The following EPB41 variants were observed in gnomAD, a reference collection of about 807,000 sequenced individuals.
The protein encoded by EPB41 is erythrocyte membrane protein band 4.1.
EPB41 carries 65 observed loss-of-function variants against 108.0 expected under a neutral mutation model. That is an observed-to-expected ratio of 0.60 (90% CI 0.49 to 0.74). The LOEUF (loss-of-function observed/expected upper bound fraction) is 0.74. Among genes scored for constraint, EPB41 ranks in the 30% least tolerant of loss-of-function variants. The pLI is 0.00. For missense variants in EPB41, 875 were observed against 1,037.0 expected (o/e 0.84, Z 2.15); for synonymous variants, 336 against 358.9 (o/e 0.94, Z 0.72).
chr1:28,978,802 C>T (rs1351494109), intron 1 of EPB41, among the ~76,000 whole-genome samples: 2 of 151,470 alleles, frequency 1.3e-5, no homozygotes, highest in Admixed American at 6.6e-5. Flanking sequence ...ATAGGCTTCT[C>T]AGCCTTTGGA....
In EPB41 at chr1:29,055,959, G is replaced by A. The variant is rs1450923470; in HGVS notation, c.1846-2630G>A. ...AAAAAAAAAAAAAAAAAAAAGGGCCGGGCGCGGTGGCTCACGCCTGTAATC... is the reference window on the plus strand; with the variant it reads ...AAAAAAAAAAAAAAAAAAAAGGGCCAGGCGCGGTGGCTCACGCCTGTAATC... On this transcript the variant is annotated intron_variant, in intron 12 of 20. Transcript: ENST00000343067. Among the ~76,000 whole-genome samples the A allele has an allele frequency of 5.4e-3, 736 of 136,682 alleles. 5 individuals carry two copies. Among genetic ancestry groups the A allele is most frequent in the Middle Eastern group, 0.022 (4 of 180 alleles). 89.7% of individuals were successfully genotyped at this position (136,682 alleles called of 152,430 possible).
intron 20 of EPB41, among the ~76,000 whole-genome samples, chr1:29,116,150 CTTTTT>C (rs537469371): frequency 8.8e-6 from 1 of 113,768 alleles, no homozygotes; most frequent in Admixed American, 1.0e-4. Flanking sequence ...ACAGGTCTCT[CTTTTT>C]TTTTTTTTTT....
intron 1 of EPB41, among the ~76,000 whole-genome samples, chr1:28,941,030 T>A (rs1557747152): frequency 6.6e-6 from 1 of 152,084 alleles, no homozygotes; most frequent in African/African-American, 2.4e-5. Flanking sequence ...TCAGAACATA[T>A]TTCACAGTAT....
At chr1:28,921,275 C>A (rs150085) in intron 1 of EPB41, among the ~76,000 whole-genome samples, 118,952 of 152,186 alleles carry the variant, frequency 0.78, 47,098 homozygotes, top group East Asian at 0.92. Context: ...ATCTTTAAAC[C>A]TATCTTATAA....
intron 16 of EPB41, among the ~76,000 whole-genome samples, chr1:29,075,069 A>T (rs1653331102): frequency 1.3e-5 from 2 of 150,848 alleles, no homozygotes; most frequent in South Asian, 4.2e-4. Context: ...AGGCAGGAGA[A>T]TGACATGAAC....
Position 29,039,375 on chromosome 1 carries a change from C to G in EPB41, c.1585C>G (p.Pro529Ala), listed in dbSNP as rs1225032170. 1 of 1,614,124 alleles carries G rather than the reference C, an allele frequency of 6.2e-7. No individual in the cohort carries two copies. The highest frequency in any genetic ancestry group is 2.2e-5 in the East Asian group (1 of 44,888). Residue 529 changes from proline to alanine, a missense_variant, in exon 11 of 21, where the codon CCA becomes GCA. By Grantham distance (27) the Pro-to-Ala change is conservative (BLOSUM62 -1). Around this residue, in one of 3 missense-constraint regions of EPB41, gnomAD observed 519 missense variants for 627.3 expected, o/e 0.83. Coordinates refer to ENST00000343067, the MANE Select transcript of EPB41 (RefSeq NM_001376013.1). ...TAGTGCTCTAATTGACAGGCCTGCC[C>G]CACACTTCGAGCGTACAGCAAGTAA... The part of the protein sequence containing the change: ...QASALIDRPA[P>A]HFERTASKRA...
intron 1 of EPB41, among the ~76,000 whole-genome samples, chr1:28,919,733 G>A (rs1327328647): frequency 6.6e-6 from 1 of 152,096 alleles, no homozygotes; most frequent in Non-Finnish European, 1.5e-5. Context: ...GAGATTACAG[G>A]CATGAGCCAC....
intron 1 of EPB41, among the ~76,000 whole-genome samples, chr1:28,927,546 A>G (rs559534910): frequency 2.0e-5 from 3 of 152,308 alleles, no homozygotes; most frequent in Non-Finnish European, 2.9e-5. Context: ...AATGCTAGCT[A>G]TGTATCAGAT....
At chr1:29,105,445 C>T (rs1425599871) in intron 17 of EPB41, among the ~76,000 whole-genome samples, 1 of 151,760 alleles carries the variant, frequency 6.6e-6, no homozygotes, top group African/African-American at 2.4e-5. Context: ...ACCATGTTGG[C>T]CAGGCTGGTC....
At chr1:28,982,301 A>G in intron 1 of EPB41, 1 of 585,304 alleles carries the variant, frequency 1.7e-6, no homozygotes, top group Non-Finnish European at 3.3e-6. Context: ...TTCTGGAAGA[A>G]CTACTTGTTC....
At chr1:29,083,478 T>C (rs1246968896) in intron 16 of EPB41, among the ~76,000 whole-genome samples, 3 of 152,348 alleles carry the variant, frequency 2.0e-5, no homozygotes, top group Non-Finnish European at 4.4e-5. Context: ...TTTGTTCTTC[T>C]GTCTTCATTT....
At chr1:29,095,356 T>A (rs1662827467) in intron 16 of EPB41, among the ~76,000 whole-genome samples, 1 of 152,224 alleles carries the variant, frequency 6.6e-6, no homozygotes, top group South Asian at 2.1e-4. Flanking sequence ...TGACAGTGAT[T>A]GAAGTAAGCC....
chr1:28,977,863 TTC>T (rs72052394), intron 1 of EPB41, among the ~76,000 whole-genome samples: 15,175 of 144,932 alleles, frequency 0.1, 1,079 homozygotes, highest in East Asian at 0.37. Flanking sequence ...GGGTTTTTTT[TTC>T]TTTTTGCTAT....
At chr1:28,922,563 G>A (rs146543913) in intron 1 of EPB41, among the ~76,000 whole-genome samples, 1 of 151,624 alleles carries the variant, frequency 6.6e-6, no homozygotes, top group African/African-American at 2.4e-5. Flanking sequence ...CTCCTGAGTA[G>A]CTGGGACTAC....
At chr1:28,958,306 G>A (rs1358810752) in intron 1 of EPB41, among the ~76,000 whole-genome samples, 7 of 151,966 alleles carry the variant, frequency 4.6e-5, no homozygotes, top group South Asian at 2.1e-4. Context: ...AAGATTAGCC[G>A]GGTATGGTGG....
At chr1:28,989,879 G>A (rs1200090164) in intron 2 of EPB41, among the ~76,000 whole-genome samples, 1 of 152,084 alleles carries the variant, frequency 6.6e-6, no homozygotes, top group Non-Finnish European at 1.5e-5. Context: ...ATGAATGTTA[G>A]CTAGTAAATA....
intron 1 of EPB41, among the ~76,000 whole-genome samples, chr1:28,978,021 A>G (rs1393825657): frequency 2.1e-5 from 3 of 145,076 alleles, no homozygotes; most frequent in Non-Finnish European, 4.5e-5. Context: ...TTTTTCTTGT[A>G]TAGACTGAGT....
intron 1 of EPB41, among the ~76,000 whole-genome samples, chr1:28,953,183 C>A (rs1338517313): frequency 6.6e-6 from 1 of 151,516 alleles, no homozygotes; most frequent in Non-Finnish European, 1.5e-5. Context: ...ATACTCTTAT[C>A]TCTCTCTCTC....
intron 16 of EPB41, among the ~76,000 whole-genome samples, chr1:29,076,411 G>A (rs1654087185): frequency 6.6e-6 from 1 of 152,160 alleles, no homozygotes; most frequent in South Asian, 2.1e-4. Flanking sequence ...TAAAAGAGTA[G>A]AGGTGGGATA....
Sources: allele counts gnomAD v4.1 joint callset (sites outside exome capture counted in the v4.1 genomes callset), GRCh38; gene constraint gnomAD v4.1.1; regional missense constraint gnomAD v4.1.1; transcripts MANE v1.5; gene names NCBI Gene and HGNC (gene_info 2026-07-23, HGNC 2026-07-21).